Variants in PCCA observed in about 807,000 individuals in gnomAD.
PCCA encodes propionyl-CoA carboxylase subunit alpha, also known as propionyl-CoA carboxylase alpha chain, mitochondrial.
A neutral mutation model predicts 101.3 loss-of-function variants in PCCA; 74 were observed. The ratio of observed to expected loss-of-function variants is 0.73; its 90% CI spans 0.61 to 0.89. The LOEUF is 0.89. Ranked by LOEUF, PCCA falls within the 40% of genes least tolerant of loss-of-function variation. The pLI, the probability that PCCA is intolerant of heterozygous loss-of-function variation, is 0.00. For synonymous variants in PCCA, 294 were observed against 313.6 expected, an observed-to-expected ratio of 0.94 and a Z score of 0.66; for missense variants, 891 against 907.0, an observed-to-expected ratio of 0.98 and a Z score of 0.23.
chr13:100,444,229 T>C (rs2080597670), intron 20 of PCCA, among the ~76,000 whole-genome samples: 2 of 149,944 alleles, frequency 1.3e-5, no homozygotes, highest in South Asian at 2.1e-4. Flanking sequence ...TGAGACGGTG[T>C]CTCGCTCTGT....
intron 19 of PCCA, among the ~76,000 whole-genome samples, chr13:100,410,225 T>C (rs1406698452): frequency 6.6e-6 from 1 of 152,122 alleles, no homozygotes; most frequent in Non-Finnish European, 1.5e-5. Context: ...GAAATTTTTT[T>C]TGTTTTTGTT....
rs199656879 is a variant in PCCA at position 100,515,894 on chromosome 13, C to T, written c.2040+327C>T. On this transcript the variant is annotated intron_variant, in intron 22 of 23. Transcript: ENST00000376285. ...ACTCTCTAGTATGCTGTGCTCAAAG[C>T]ATCCATTGAAGTCATGCCAGGGAAT... is the stretch of plus-strand genomic sequence containing the variant. Among the ~76,000 whole-genome samples the T allele has an allele frequency of 7.9e-5, 12 of 152,228 alleles. No homozygotes were observed. The East Asian group carries it at 2.3e-3, about 29-fold the overall frequency.
At chr13:100,521,156 A>G (rs182473008) in intron 22 of PCCA, among the ~76,000 whole-genome samples, 6 of 152,310 alleles carry the variant, frequency 3.9e-5, no homozygotes, top group Admixed American at 1.3e-4. Flanking sequence ...GCAGGGAGTC[A>G]TATTTTTCTT....
chr13:100,179,013 C>T (rs200918138), intron 6 of PCCA, among the ~76,000 whole-genome samples: 94 of 149,610 alleles, frequency 6.3e-4, no homozygotes, highest in African/African-American at 2.3e-3. Flanking sequence ...GGAGGTGGAG[C>T]TTGCAGTGAG....
chr13:100,407,982 C>G (rs2077790730), intron 19 of PCCA, among the ~76,000 whole-genome samples: 1 of 152,026 alleles, frequency 6.6e-6, no homozygotes, highest in Non-Finnish European at 1.5e-5. Flanking sequence ...GAGACCCTGT[C>G]TCTACTAAAA....
At chr13:100,292,883 G>C (rs2152662503) in intron 12 of PCCA, among the ~76,000 whole-genome samples, 1 of 151,492 alleles carries the variant, frequency 6.6e-6, no homozygotes, top group South Asian at 2.1e-4. Context: ...ACATGGCTTA[G>C]GCCTTTGTGT....
chr13:100,302,354 C>T (rs1015158231), intron 13 of PCCA, among the ~76,000 whole-genome samples: 1 of 151,896 alleles, frequency 6.6e-6, no homozygotes, highest in South Asian at 2.1e-4. Context: ...TATGTTTTGG[C>T]GTGACTGTAT....
intron 12 of PCCA, among the ~76,000 whole-genome samples, chr13:100,281,226 A>C (rs1003344767): frequency 2.0e-5 from 3 of 152,350 alleles, no homozygotes; most frequent in Admixed American, 1.3e-4. Context: ...GAAAAGAGTC[A>C]TGTGCTGAGG....
chr13:100,257,510 G>T, intron 8 of PCCA, 85 bp from the exon 9 acceptor site: 1 of 919,774 alleles, frequency 1.1e-6, no homozygotes. Flanking sequence ...TGTTTTCTGC[G>T]TTATTGAACA....
chr13:100,262,393 C>CA lies in PCCA; in HGVS notation c.717-323dup, dbSNP rs573486449. Among the ~76,000 whole-genome samples the CA allele has an allele frequency of 0.028, 3,477 of 123,106 alleles. 134 individuals carry two copies. The highest frequency in any genetic ancestry group is 0.091 in the African/African-American group (3,067 of 33,670). The allele number at this position is 123,106 out of a possible 152,430, so 80.8% of individuals were successfully genotyped here. ...TGGGCGACAGAGTGAGACTCTGTCT[C>CA]AAAAAAAAAAAAAGTGATACTTAGC... is the stretch of plus-strand genomic sequence containing the variant. On this transcript the variant is annotated intron_variant, in intron 9 of 23. Transcript: ENST00000376285.
At chr13:100,129,760 C>G (rs1001151405) in intron 4 of PCCA, among the ~76,000 whole-genome samples, 1 of 152,190 alleles carries the variant, frequency 6.6e-6, no homozygotes, top group Non-Finnish European at 1.5e-5. Flanking sequence ...GCCTCCTCTT[C>G]AGGCCAAGGG....
At chr13:100,089,868 T>C (rs2046117703) in intron 1 of PCCA, among the ~76,000 whole-genome samples, 1 of 152,208 alleles carries the variant, frequency 6.6e-6, no homozygotes, top group South Asian at 2.1e-4. Flanking sequence ...ACACATTTCA[T>C]GACTGTTCTG....
In PCCA at chr13:100,394,512, G is replaced by A. The variant is rs140744170; in HGVS notation, c.1746+25938G>A. ...TGAGAGGCATGAACTGAAAATAGGC[G>A]TAAACTTGAGTAATTCCCTAAACCC... On this transcript the variant is annotated intron_variant, in intron 19 of 23. Transcript: ENST00000376285. This position sits in a 1 kb window ranked among gnomAD's most constrained non-coding sequence, Gnocchi z 4.3. Among the ~76,000 whole-genome samples, 1,726 of 152,160 alleles carry A rather than the reference G, an allele frequency of 0.011. 40 individuals are homozygous for A. The highest frequency in any genetic ancestry group is 0.039 in the African/African-American group (1,603 of 41,516).
At chr13:100,110,008 C>T (rs1026459149) in intron 2 of PCCA, among the ~76,000 whole-genome samples, 6 of 152,046 alleles carry the variant, frequency 3.9e-5, no homozygotes, top group East Asian at 3.9e-4. Context: ...GTGGTGCGCA[C>T]CTGTAATCCC....
intron 21 of PCCA, among the ~76,000 whole-genome samples, chr13:100,511,092 TC>T (rs1171541093): frequency 6.6e-6 from 1 of 152,242 alleles, no homozygotes; most frequent in Non-Finnish European, 1.5e-5. Context: ...GCTCTGCTTT[TC>T]CTCAAGTGAT....
chr13:100,173,565 A>G (rs1225913346), intron 6 of PCCA, among the ~76,000 whole-genome samples: 1 of 152,348 alleles, frequency 6.6e-6, no homozygotes, highest in East Asian at 1.9e-4. Context: ...AATTACCTGG[A>G]TAAGTGTACA....
At chr13:100,232,805 T>C (rs961319711) in intron 7 of PCCA, among the ~76,000 whole-genome samples, 16 of 152,210 alleles carry the variant, frequency 1.1e-4, no homozygotes, top group Admixed American at 7.9e-4. Context: ...GTAACATTTA[T>C]TTTAGTTATC....
At chr13:100,194,714 C>T (rs1404661287) in intron 6 of PCCA, among the ~76,000 whole-genome samples, 4 of 152,270 alleles carry the variant, frequency 2.6e-5, no homozygotes, top group South Asian at 2.1e-4. Context: ...CCACTGCGCC[C>T]GGCCGTAAAA....
At chr13:100,138,702 A>G (rs192628027) in intron 4 of PCCA, among the ~76,000 whole-genome samples, 4 of 152,232 alleles carry the variant, frequency 2.6e-5, no homozygotes, top group South Asian at 4.1e-4. Flanking sequence ...TGGGAGGCCG[A>G]AGCGGGTGGA....
Sources: gnomAD v4.1 joint callset for allele counts (sites outside exome capture counted in the v4.1 genomes callset) on GRCh38, gnomAD v4.1.1 for gene constraint, Gnocchi (gnomAD v3.1) non-coding constraint, MANE v1.5 for transcripts, NCBI Gene and HGNC (gene_info 2026-07-23, HGNC 2026-07-21) for gene names.